GATA3: variants seen among roughly 807,000 people sequenced by gnomAD.
GATA3 encodes GATA binding protein 3, also known as trans-acting T-cell-specific transcription factor GATA-3.
Under a neutral mutation model 36.0 loss-of-function variants are expected in GATA3, and 6 were observed. The ratio of observed to expected loss-of-function variants is 0.17; its 90% CI spans 0.09 to 0.33. GATA3 has a LOEUF of 0.33. Ranked by LOEUF, GATA3 falls within the 10% of genes least tolerant of loss-of-function variation. The pLI is 1.00. For synonymous variants in GATA3, 326 were observed against 273.0 expected, an observed-to-expected ratio of 1.19 and a Z score of -1.92; for missense variants, 514 against 610.1, an observed-to-expected ratio of 0.84 and a Z score of 1.66.
intron 5 of GATA3, among the ~76,000 whole-genome samples, chr10:8,071,116 C>T (rs1413848308): frequency 6.6e-6 from 1 of 152,206 alleles, no homozygotes; most frequent in Non-Finnish European, 1.5e-5. Context: ...TACTTGATTA[C>T]ATTTGAGCCT....
Position 8,064,009 on chromosome 10 carries a change from G to A in GATA3, c.795G>A (p.Val265=), listed in dbSNP as rs2131500399. The part of the protein sequence containing the change: ...ARSSTEGREC[V]NCGATSTPLW... ...TGTTTCCAGAAGGCAGGGAGTGTGT[G>A]AACTGTGGGGCAACCTCGACCCCAC... The change falls in exon 4 of 6, where the codon GTG becomes GTA. Residue 265 remains valine (V), a synonymous_variant. Transcript: ENST00000379328. 1 of 1,614,196 alleles carries A rather than the reference G, an allele frequency of 6.2e-7. No homozygotes were observed. Among genetic ancestry groups the A allele is most frequent in the Non-Finnish European group, 8.5e-7 (1 of 1,180,032 alleles).
chr10:8,064,308 C>CTTTTTTTTTTTTTTTTTTT (rs1315616378), intron 4 of GATA3, among the ~76,000 whole-genome samples, 170 bp downstream of exon 4: 2 of 114,132 alleles, frequency 1.8e-5, no homozygotes, highest in African/African-American at 3.6e-5. Flanking sequence ...TTTTCTTCTT[C>CTTTTTTTTTTTTTTTTTTT]TTCTTTTTTT....
chr10:8,066,524 T>A, intron 4 of GATA3, among the ~76,000 whole-genome samples: 1 of 152,114 alleles, frequency 6.6e-6, no homozygotes, highest in East Asian at 1.9e-4. Context: ...TTTCCTGTAT[T>A]CCCTGACCCT....
chr10:8,067,020 A>G (rs897626176), intron 4 of GATA3, among the ~76,000 whole-genome samples: 1 of 150,060 alleles, frequency 6.7e-6, no homozygotes, highest in South Asian at 2.1e-4. Context: ...AATCTGCTAT[A>G]TCTGAGTAGC....
chr10:8,058,296 GC>G lies in GATA3; in HGVS notation c.242-5del, dbSNP rs779943775. On this transcript the variant is annotated splice_polypyrimidine_tract_variant and splice_region_variant and intron_variant, in intron 2 of 5. Coordinates refer to ENST00000379328, the MANE Select transcript of GATA3 (RefSeq NM_001002295.2). ...TTCTCTCTCCTGCCCTTTCCCCGTT[GC>G]CCCACAGGGAGCCAGGTGTGCCGCC... 2.5e-6 allele frequency: 4 copies of G among 1,613,328 alleles called. No individual in the cohort carries two copies. The African/African-American group carries it at 5.3e-5, about 22-fold the overall frequency.
At chr10:8,058,183 G>T (rs1193282211) in intron 2 of GATA3, 122 bp from the exon 3 acceptor site, 32 of 1,095,822 alleles carry the variant, frequency 2.9e-5, no homozygotes, top group Non-Finnish European at 4.2e-5. Flanking sequence ...GTGGGCCTGA[G>T]CCCGGGCTTT....
upstream of GATA3, chr10:8,050,813 G>T (rs930581294): frequency 1.0e-5 from 4 of 395,030 alleles, no homozygotes; most frequent in African/African-American, 6.7e-5. Flanking sequence ...TCAAATGACC[G>T]CCCCGGGCGG....
rs547425013 is a variant in GATA3, at chr10:8,058,434, A to ACGG, written c.373_375dup (p.Gly125dup). 1.6e-4 allele frequency: 258 copies of ACGG among 1,612,606 alleles called. No individual in the cohort carries two copies. The African/African-American group carries it at 3.1e-3, about 20-fold the overall frequency. The stretch of plus-strand genomic sequence containing the variant: ...CCCTTCTCCAAGACGTCCATCCACC[A>ACGG]CGGCTCCCCGGGGCCCCTCTCCGTC... On this transcript the variant is annotated inframe_insertion, in exon 3 of 6. Transcript: ENST00000379328.
chr10:8,062,658 G>T (rs779655321), intron 3 of GATA3, among the ~76,000 whole-genome samples: 1 of 152,100 alleles, frequency 6.6e-6, no homozygotes, highest in Non-Finnish European at 1.5e-5. Context: ...CCAGTGGTCC[G>T]GGCAGGTTGG....
At position 8,067,673 on chromosome 10, in the gene GATA3, G is replaced by GC. The variant is rs550675910; in HGVS notation, c.925-1799dup. Among the ~76,000 whole-genome samples the GC allele has an allele frequency of 3.6e-4, 53 of 148,758 alleles. 2 individuals are homozygous for GC. In the South Asian group the frequency reaches 0.011, roughly 32 times the overall value. On this transcript the variant is annotated intron_variant, in intron 4 of 5. Coordinates refer to ENST00000379328, the MANE Select transcript of GATA3 (RefSeq NM_001002295.2). ...TCTCTACTAAAAATACAAAAAATTA[G>GC]CTGGGGCGGTGGCGGGCGCCTGTAG... is the stretch of plus-strand genomic sequence containing the variant.
chr10:8,057,526 G>A (rs1003190760), intron 2 of GATA3, among the ~76,000 whole-genome samples: 5 of 152,126 alleles, frequency 3.3e-5, no homozygotes, highest in African/African-American at 1.2e-4. Context: ...TGGGGCTTAC[G>A]TTATCTCCTT....
intron 4 of GATA3, among the ~76,000 whole-genome samples, chr10:8,068,961 G>C (rs1588388244): frequency 1.3e-5 from 2 of 152,294 alleles, no homozygotes; most frequent in Admixed American, 1.3e-4. Flanking sequence ...AGTGTTTTTG[G>C]TGCTTGGCTT....
At chr10:8,068,659 A>G (rs1189647952) in intron 4 of GATA3, among the ~76,000 whole-genome samples, 1 of 152,214 alleles carries the variant, frequency 6.6e-6, no homozygotes, top group Non-Finnish European at 1.5e-5. Context: ...AGTGTGAGGC[A>G]GGAGAATTGC....
chr10:8,054,682 G>A (rs1832588146), upstream of GATA3: 1 of 151,430 alleles, frequency 6.6e-6, no homozygotes, highest in African/African-American at 2.4e-5. This position sits in a 1 kb window ranked among gnomAD's most constrained non-coding sequence, Gnocchi z 4.2. Context: ...CGCCACAGCT[G>A]TCTGCGAACA....
intron 3 of GATA3, among the ~76,000 whole-genome samples, chr10:8,062,299 G>A (rs911346214): frequency 6.6e-6 from 1 of 151,688 alleles, no homozygotes; most frequent in Admixed American, 6.6e-5. Context: ...GGCTCTCTGG[G>A]GACCCTAGGC....
At chr10:8,056,597 G>C (rs1182668253) in intron 2 of GATA3, among the ~76,000 whole-genome samples, 2 of 152,102 alleles carry the variant, frequency 1.3e-5, no homozygotes, top group Non-Finnish European at 2.9e-5. Context: ...CCAGATTCCC[G>C]GCTGCACAGA....
intron 3 of GATA3, among the ~76,000 whole-genome samples, chr10:8,063,349 C>G (rs60792039): frequency 4.2e-4 from 64 of 152,292 alleles, no homozygotes; most frequent in African/African-American, 1.5e-3. Flanking sequence ...TATGGAAACC[C>G]CTGCTGGGTC....
chr10:8,074,323 A>G lies in GATA3; in HGVS notation c.*300A>G. 1 of 400,212 alleles carries G rather than the reference A, an allele frequency of 2.5e-6. No individual in the cohort carries two copies. The highest frequency in any genetic ancestry group is 4.5e-6 in the Non-Finnish European group (1 of 223,080). 24.8% of individuals were successfully genotyped at this position (400,212 alleles called of 1,614,324 possible). A position where few individuals can be genotyped will look rare whatever the true frequency, so the allele number is the denominator to read the frequency against. On this transcript the variant is annotated 3_prime_UTR_variant, in exon 6 of 6. Transcript: ENST00000379328. ...TTGCATATAACTTATATTGTAAGAA[A>G]TACTGTACAATGACTTTATTGCATC...
At chr10:8,058,935 G>T in intron 3 of GATA3, 94 bp downstream of exon 3, 1 of 1,213,920 alleles carries the variant, frequency 8.2e-7, no homozygotes, top group South Asian at 1.3e-5. Context: ...CAGGGGAGCC[G>T]GGGTGTCCCA....
Sources: gnomAD v4.1 joint callset for allele counts (sites outside exome capture counted in the v4.1 genomes callset) on GRCh38, gnomAD v4.1.1 for gene constraint, Gnocchi (gnomAD v3.1) non-coding constraint, MANE v1.5 for transcripts, NCBI Gene and HGNC (gene_info 2026-07-23, HGNC 2026-07-21) for gene names.